The following KIF5A variants were observed in gnomAD, a reference collection of about 807,000 sequenced individuals.
KIF5A encodes kinesin family member 5A.
Under a neutral mutation model 141.3 loss-of-function variants are expected in KIF5A, and 35 were observed. The ratio of observed to expected loss-of-function variants is 0.25; its 90% CI spans 0.19 to 0.33. The LOEUF is 0.33. Among genes scored for constraint, KIF5A ranks in the 10% least tolerant of loss-of-function variants. The pLI, the probability that KIF5A is intolerant of heterozygous loss-of-function variation, is 1.00. For missense variants in KIF5A, 861 were observed against 1,314.3 expected, an observed-to-expected ratio of 0.66 and a Z score of 5.33; for synonymous variants, 448 against 500.2, an observed-to-expected ratio of 0.90 and a Z score of 1.39.
In KIF5A at chr12:57,581,176, A is replaced by C; in HGVS notation, c.2755+4A>C. On this transcript the variant is annotated splice_donor_region_variant and intron_variant, in intron 24 of 28. Coordinates refer to ENST00000455537, the MANE Select transcript of KIF5A (RefSeq NM_004984.4). ...CGGGGCCATTCTGCCCAGATTGGTGAGTAGGTGTTAGCAGGCAAGGTGGGA... is the reference window on the plus strand; with the variant it reads ...CGGGGCCATTCTGCCCAGATTGGTGCGTAGGTGTTAGCAGGCAAGGTGGGA... 2 of 1,612,844 alleles carry C rather than the reference A, an allele frequency of 1.2e-6. No individual in the cohort carries two copies. Among genetic ancestry groups the C allele is most frequent in the Admixed American group, 3.3e-5 (2 of 59,890 alleles).
intron 8 of KIF5A, among the ~76,000 whole-genome samples, chr12:57,568,119 GA>G (rs1882125523): frequency 1.3e-5 from 2 of 152,058 alleles, no homozygotes; most frequent in African/African-American, 4.8e-5. Context: ...CTGACCTCGG[GA>G]TCCACCTGCC....
chr12:57,551,585 G>A (rs1370675471), intron 1 of KIF5A, among the ~76,000 whole-genome samples: 1 of 152,120 alleles, frequency 6.6e-6, no homozygotes, highest in Non-Finnish European at 1.5e-5. Flanking sequence ...TGCTGGGCCA[G>A]GAAACAAAAA....
At chr12:57,569,822 C>T in intron 11 of KIF5A, 139 bp downstream of exon 11, 1 of 1,420,446 alleles carries the variant, frequency 7.0e-7, no homozygotes, top group Middle Eastern at 2.6e-4. Flanking sequence ...TGCAGTAGAG[C>T]AGTCATGGGG....
At position 57,581,497 on chromosome 12, in the gene KIF5A, C is replaced by T. The variant is rs781143696; in HGVS notation, c.2838C>T (p.Tyr946=). The change falls in exon 25 of 29, where the codon TAC becomes TAT. Residue 946 remains tyrosine (Y), a synonymous_variant. Transcript: ENST00000455537. Reference sequence around the variant, plus strand: ...CCCGGAGCCCTGAGTGCATCAGTTACACCAACAGCCTCTTCCAGAACTACC... The same window carrying T: ...CCCGGAGCCCTGAGTGCATCAGTTATACCAACAGCCTCTTCCAGAACTACC... ...YGTRSPECIS[Y]TNSLFQNYQN... is the part of the protein sequence containing the mutation. 3.7e-6 allele frequency: 6 copies of T among 1,614,110 alleles called. 1 individual carries two copies. The Middle Eastern group carries it at 4.9e-4, about 133-fold the overall frequency.
At chr12:57,571,838 C>T (rs895826893) in intron 13 of KIF5A, among the ~76,000 whole-genome samples, 8 of 152,166 alleles carry the variant, frequency 5.3e-5, no homozygotes, top group East Asian at 1.9e-4. Context: ...GGATTACAGG[C>T]GTGAGCCACT....
chr12:57,571,973 A>G, intron 13 of KIF5A, 88 bp from the exon 14 acceptor site: 2 of 1,050,862 alleles, frequency 1.9e-6, no homozygotes, highest in South Asian at 2.7e-5. Context: ...TATTTTGGGT[A>G]GGGTGGGGGC....
At chr12:57,569,858 T>A in intron 11 of KIF5A, 129 bp from the exon 12 acceptor site, 1 of 1,367,178 alleles carries the variant, frequency 7.3e-7, no homozygotes, top group Non-Finnish European at 9.9e-7. Context: ...ACTACCTACC[T>A]CCCATACTCC....
chr12:57,559,182 T>C (rs1881835449), intron 1 of KIF5A, among the ~76,000 whole-genome samples: 2 of 152,246 alleles, frequency 1.3e-5, no homozygotes, highest in African/African-American at 4.8e-5. Context: ...TGAATGACCT[T>C]GTATAAATAT....
At chr12:57,555,249 T>C (rs1245799107) in intron 1 of KIF5A, among the ~76,000 whole-genome samples, 1 of 152,180 alleles carries the variant, frequency 6.6e-6, no homozygotes, top group Non-Finnish European at 1.5e-5. Flanking sequence ...ATAATGGTGG[T>C]GCTTCCCATG....
intron 24 of KIF5A, 114 bp from the exon 25 acceptor site, chr12:57,581,301 A>G (rs1312189322): frequency 2.6e-6 from 4 of 1,540,946 alleles, no homozygotes; most frequent in African/African-American, 1.4e-5. Context: ...CCCAAAAAGT[A>G]AAAAAGTGAT....
At chr12:57,582,693 C>A in intron 27 of KIF5A, 64 bp downstream of exon 27, 1 of 1,368,590 alleles carries the variant, frequency 7.3e-7, no homozygotes, top group Non-Finnish European at 1.0e-6. Context: ...TTAAATTTCC[C>A]TTGTGCCCCA....
chr12:57,553,522 G>A (rs1289132226), intron 1 of KIF5A, among the ~76,000 whole-genome samples: 2 of 152,066 alleles, frequency 1.3e-5, no homozygotes, highest in African/African-American at 2.4e-5. Flanking sequence ...GAGAAGTAAC[G>A]TTCATTGTGG....
chr12:57,562,520 GTTC>G (rs1413349098), intron 1 of KIF5A, among the ~76,000 whole-genome samples: 2 of 152,194 alleles, frequency 1.3e-5, no homozygotes, highest in Admixed American at 6.5e-5. Context: ...CCGACCCACA[GTTC>G]TTCTTTAATT....
Position 57,580,967 on chromosome 12 carries a change from C to T in KIF5A, c.2550C>T (p.Asp850=), listed in dbSNP as rs750648766. The change falls in exon 24 of 29, where the codon GAC becomes GAT. Residue 850 remains aspartate (D), a synonymous_variant. Coordinates refer to ENST00000455537, the MANE Select transcript of KIF5A (RefSeq NM_004984.4). The part of the protein sequence containing the change: ...LTKVHKQLVR[D]NADLRCELPK... ...GGCTTGCCCCATAGCTGGTACGTGA[C>T]AATGCAGATCTGCGTTGTGAGCTTC... is the stretch of plus-strand genomic sequence containing the variant. The T allele has an allele frequency of 6.2e-7, 1 of 1,613,948 alleles. No individual in the cohort carries two copies. Among genetic ancestry groups the T allele is most frequent in the Non-Finnish European group, 8.5e-7 (1 of 1,179,966 alleles).
chr12:57,574,097 AAGC>A (rs1345203563), intron 15 of KIF5A, among the ~76,000 whole-genome samples: 37 of 151,436 alleles, frequency 2.4e-4, no homozygotes, highest in Non-Finnish European at 4.6e-4. Flanking sequence ...AAAAAAAAAA[AAGC>A]AGCAGCAACA....
intron 5 of KIF5A, 56 bp from the exon 6 acceptor site, chr12:57,564,862 G>A (rs962111553): frequency 2.5e-5 from 37 of 1,508,156 alleles, no homozygotes; most frequent in African/African-American, 8.2e-5. Context: ...ACTGCAAGGT[G>A]CAGATGGGGG....
chr12:57,573,999 C>A (rs1356019967), intron 15 of KIF5A, among the ~76,000 whole-genome samples: 1 of 147,902 alleles, frequency 6.8e-6, no homozygotes, highest in African/African-American at 2.5e-5. Flanking sequence ...AGGAGAATGG[C>A]GTGAACCTGG....
At chr12:57,552,049 C>A (rs1881593435) in intron 1 of KIF5A, among the ~76,000 whole-genome samples, 1 of 152,162 alleles carries the variant, frequency 6.6e-6, no homozygotes, top group African/African-American at 2.4e-5. Context: ...CCTGGATCAA[C>A]TCTGGAGGAC....
intron 1 of KIF5A, among the ~76,000 whole-genome samples, chr12:57,553,601 C>A (rs1279323964): frequency 1.3e-5 from 2 of 152,152 alleles, no homozygotes; most frequent in African/African-American, 2.4e-5. Flanking sequence ...AGGCCTGGCA[C>A]TTGAAGTTCA....
Sources: allele counts gnomAD v4.1 joint callset (sites outside exome capture counted in the v4.1 genomes callset), GRCh38; gene constraint gnomAD v4.1.1; transcripts MANE v1.5; gene names NCBI Gene and HGNC (gene_info 2026-07-23, HGNC 2026-07-21).